DPP10: variants seen among roughly 807,000 people sequenced by gnomAD.
The protein encoded by DPP10 is dipeptidyl peptidase like 10.
A neutral mutation model predicts 120.9 loss-of-function variants in DPP10; 33 were observed. That is an observed-to-expected ratio of 0.27 (90% CI 0.21 to 0.37). DPP10 has a LOEUF of 0.37. DPP10 is among the 10% of genes least tolerant of loss of function. The pLI is 1.00. For synonymous variants in DPP10, 337 were observed against 326.1 expected (o/e 1.03, Z -0.36); for missense variants, 816 against 942.8 (o/e 0.87, Z 1.76).
chr2:115,758,637 A>G (rs144936611), intron 11 of DPP10, among the ~76,000 whole-genome samples: 10 of 152,266 alleles, frequency 6.6e-5, no homozygotes, highest in African/African-American at 2.4e-4. Flanking sequence ...TACCTGAACA[A>G]GTCAAAGTAA....
chr2:115,433,725 T>C (rs1395825497), intron 3 of DPP10, among the ~76,000 whole-genome samples: 1 of 152,024 alleles, frequency 6.6e-6, no homozygotes, highest in Non-Finnish European at 1.5e-5. Flanking sequence ...ATTTTTCTCC[T>C]GGAGTTTTTT....
At position 114,543,500 on chromosome 2, in the gene DPP10, C is replaced by T. The variant is rs888431894; in HGVS notation, c.60+100662C>T. Among the ~76,000 whole-genome samples the T allele has an allele frequency of 5.3e-5, 8 of 152,296 alleles. No homozygotes were observed. The East Asian group carries it at 1.3e-3, about 26-fold the overall frequency. ...GGGTTAACTGTCTTCTCCTTTCCTG[C>T]GAATGCTTCACGCCGCCTCCTGGTG... On this transcript the variant is annotated intron_variant, in intron 1 of 25. Transcript: ENST00000410059.
chr2:115,710,657 C>T (rs563114721), intron 7 of DPP10, among the ~76,000 whole-genome samples: 1 of 151,924 alleles, frequency 6.6e-6, no homozygotes, highest in Non-Finnish European at 1.5e-5. Flanking sequence ...CTATAAAATG[C>T]CTTCAAAATG....
chr2:115,420,233 A>G (rs2069813329), intron 3 of DPP10, among the ~76,000 whole-genome samples: 2 of 152,194 alleles, frequency 1.3e-5, no homozygotes, highest in South Asian at 2.1e-4. Context: ...GTCTTACAGT[A>G]TAGTACAGAC....
chr2:115,500,464 A>T (rs1868328), intron 4 of DPP10, among the ~76,000 whole-genome samples: 32,212 of 151,918 alleles, frequency 0.21, 3,921 homozygotes, highest in East Asian at 0.39. Flanking sequence ...TTGTACATTT[A>T]AAATAAACGT....
At chr2:114,878,914 T>TCACC (rs1558836081) in intron 1 of DPP10, among the ~76,000 whole-genome samples, 1 of 152,106 alleles carries the variant, frequency 6.6e-6, no homozygotes, top group Non-Finnish European at 1.5e-5. Flanking sequence ...GATTATATAT[T>TCACC]CATTTACAAG....
At chr2:114,951,845 A>G (rs888322724) in intron 1 of DPP10, among the ~76,000 whole-genome samples, 1 of 152,042 alleles carries the variant, frequency 6.6e-6, no homozygotes, top group Non-Finnish European at 1.5e-5. Context: ...AACAAAAAGC[A>G]TATCTGGTTA....
intron 1 of DPP10, among the ~76,000 whole-genome samples, chr2:115,233,212 AGTGTGTGTGT>A (rs72071460): frequency 6.7e-6 from 1 of 148,844 alleles, no homozygotes; most frequent in African/African-American, 2.5e-5. Context: ...AGGTATATTG[AGTGTGTGTGT>A]GTGTGTGTGT....
At chr2:114,941,722 T>A (rs1260473863) in intron 1 of DPP10, among the ~76,000 whole-genome samples, 1 of 152,176 alleles carries the variant, frequency 6.6e-6, no homozygotes, top group Non-Finnish European at 1.5e-5. Context: ...TGCCATTCAC[T>A]TACCATCTAT....
chr2:115,140,814 G>T lies in DPP10; in HGVS notation c.61-168425G>T, dbSNP rs113595551. Among the ~76,000 whole-genome samples the T allele has an allele frequency of 7.6e-4, 116 of 152,096 alleles. 4 individuals are homozygous for T. Among genetic ancestry groups the T allele is most frequent in the African/African-American group, 2.7e-3 (110 of 41,494 alleles). On this transcript the variant is annotated intron_variant, in intron 1 of 25. Coordinates refer to ENST00000410059, the MANE Select transcript of DPP10 (RefSeq NM_020868.6). ...GGATGGAGCTACCATTTACTGAAAT[G>T]GAGTTGATAATGGGAAAAAAGTAAA... is the stretch of plus-strand genomic sequence containing the variant.
At chr2:115,366,587 C>T (rs778481638) in intron 3 of DPP10, among the ~76,000 whole-genome samples, 3 of 151,930 alleles carry the variant, frequency 2.0e-5, no homozygotes, top group South Asian at 2.1e-4. Context: ...GCTTATCTAC[C>T]GAGTCCTTAG....
At chr2:115,119,459 TG>T (rs933749798) in intron 1 of DPP10, among the ~76,000 whole-genome samples, 2 of 152,184 alleles carry the variant, frequency 1.3e-5, no homozygotes, top group African/African-American at 4.8e-5. Flanking sequence ...ACATTCCAGA[TG>T]GGGGGCCCTC....
At chr2:114,697,804 A>G (rs996375421) in intron 1 of DPP10, among the ~76,000 whole-genome samples, 1 of 150,600 alleles carries the variant, frequency 6.6e-6, no homozygotes, top group East Asian at 2.0e-4. Flanking sequence ...ATTATTCTGT[A>G]GGAGGTTCAA....
At chr2:114,947,142 T>C (rs79347685) in intron 1 of DPP10, among the ~76,000 whole-genome samples, 1 of 150,460 alleles carries the variant, frequency 6.6e-6, no homozygotes, top group African/African-American at 2.4e-5. Context: ...ATTTTTTTTT[T>C]AGTTCTGTGT....
intron 1 of DPP10, among the ~76,000 whole-genome samples, chr2:114,587,356 C>T (rs562155906): frequency 6.6e-6 from 1 of 150,692 alleles, no homozygotes; most frequent in African/African-American, 2.4e-5. Context: ...CACAGACACA[C>T]ACAGCCTCAG....
rs1005203117 is a variant in DPP10 at position 115,666,708 on chromosome 2, G to T, written c.442-22979G>T. 3.9e-5 allele frequency among the ~76,000 whole-genome samples: 6 copies of T among 152,254 alleles called. No homozygotes were observed. The East Asian group carries it at 9.7e-4, about 25-fold the overall frequency. On this transcript the variant is annotated intron_variant, in intron 5 of 25. Coordinates refer to ENST00000410059, the MANE Select transcript of DPP10 (RefSeq NM_020868.6). ...CGACTTTGCTATTGGGAATAGTGTT[G>T]TGATGAACAGACGTGTTCCTCTGTC... is the stretch of plus-strand genomic sequence containing the variant.
At chr2:115,532,585 T>G in intron 5 of DPP10, among the ~76,000 whole-genome samples, 1 of 152,164 alleles carries the variant, frequency 6.6e-6, no homozygotes, top group South Asian at 2.1e-4. Flanking sequence ...TCTCCAGACA[T>G]AGTGGTTAGA....
intron 1 of DPP10, among the ~76,000 whole-genome samples, chr2:114,686,962 A>G (rs1203782549): frequency 6.6e-6 from 1 of 151,946 alleles, no homozygotes; most frequent in Non-Finnish European, 1.5e-5. Flanking sequence ...TTATTTGCTC[A>G]TATGTTGCTC....
chr2:115,730,561 T>C (rs13024512), intron 8 of DPP10, among the ~76,000 whole-genome samples: 45,552 of 152,134 alleles, frequency 0.3, 7,054 homozygotes, highest in Middle Eastern at 0.44. Context: ...ATGCTTATTG[T>C]GCTGCTCCGT....
Sources: gnomAD v4.1 joint callset for allele counts (sites outside exome capture counted in the v4.1 genomes callset) on GRCh38, gnomAD v4.1.1 for gene constraint, MANE v1.5 for transcripts, NCBI Gene and HGNC (gene_info 2026-07-23, HGNC 2026-07-21) for gene names.